The following PRPF18 variants were observed in gnomAD, a reference collection of about 807,000 sequenced individuals.
The protein encoded by PRPF18 is pre-mRNA-splicing factor 18.
In PRPF18, 38 loss-of-function variants were observed where a neutral mutation model predicts 46.5. That is an observed-to-expected ratio of 0.82 (90% CI 0.63 to 1.07). The LOEUF is 1.07. PRPF18 is among the 50% of genes least tolerant of loss of function. The probability of loss-of-function intolerance (pLI) is 0.00; values close to 1 mark genes in which losing one functional copy is unlikely to be tolerated. For missense variants in PRPF18, 263 were observed against 410.0 expected, an observed-to-expected ratio of 0.64 and a Z score of 3.10; for synonymous variants, 152 against 146.7, an observed-to-expected ratio of 1.04 and a Z score of -0.26.
At chr10:13,629,615 A>G (rs942796062) in intron 9 of PRPF18, among the ~76,000 whole-genome samples, 1 of 152,108 alleles carries the variant, frequency 6.6e-6, no homozygotes, top group African/African-American at 2.4e-5. Context: ...TACATTTTTT[A>G]CTTGTTTTTG....
At chr10:13,641,030 A>G in the PRPF18 span, 10 of 152,216 alleles carry the variant, frequency 6.6e-5, no homozygotes, top group Non-Finnish European at 8.8e-5. Flanking sequence ...ATCTACCAGC[A>G]TCTTGTCTTA....
At chr10:13,651,846 A>AAC in the PRPF18 span, 11,814 of 853,862 alleles carry the variant, frequency 0.014, 394 homozygotes, top group African/African-American at 0.091. Context: ...GGACAAAAGC[A>AAC]ACACATGTGG....
At chr10:13,638,156 A>G in the PRPF18 span, 2 of 152,198 alleles carry the variant, frequency 1.3e-5, no homozygotes, top group Non-Finnish European at 2.9e-5. Flanking sequence ...TTGCTTTACT[A>G]AGAGAAAGAG....
intron 4 of PRPF18, among the ~76,000 whole-genome samples, chr10:13,606,507 C>T (rs1180142899): frequency 6.6e-6 from 1 of 152,036 alleles, no homozygotes; most frequent in Non-Finnish European, 1.5e-5. Flanking sequence ...GAGGCTGAGG[C>T]AGGTGGATCA....
At chr10:13,649,946 C>T in the PRPF18 span, among the ~76,000 whole-genome samples, 1 of 152,340 alleles carries the variant, frequency 6.6e-6, no homozygotes, top group African/African-American at 2.4e-5. Context: ...GCTCTCTCAA[C>T]TGTGACCCAG....
chr10:13,650,676 T>C, the PRPF18 span, among the ~76,000 whole-genome samples: 7,274 of 152,238 alleles, frequency 0.048, 494 homozygotes, highest in African/African-American at 0.14. Context: ...GTCCCTGTCC[T>C]AATTGCCCAT....
At chr10:13,636,741 T>C in the PRPF18 span, among the ~76,000 whole-genome samples, 1 of 152,184 alleles carries the variant, frequency 6.6e-6, no homozygotes, top group Non-Finnish European at 1.5e-5. Context: ...TCTCTTCATG[T>C]CCTCTTCTAG....
downstream of PRPF18, among the ~76,000 whole-genome samples, chr10:13,634,412 A>C (rs1239384538): frequency 1.3e-5 from 2 of 151,808 alleles, no homozygotes; most frequent in Admixed American, 6.5e-5. Flanking sequence ...GTGATCTCAG[A>C]CTCTTTCACT....
chr10:13,636,712 G>A, the PRPF18 span, among the ~76,000 whole-genome samples: 1 of 152,150 alleles, frequency 6.6e-6, no homozygotes, highest in African/African-American at 2.4e-5. Context: ...AAAGGTAATT[G>A]TTATTAACTC....
chr10:13,639,149 A>C, the PRPF18 span: 1 of 151,600 alleles, frequency 6.6e-6, no homozygotes. Context: ...ATGTTGGTAC[A>C]TTGTGATTTC....
At chr10:13,590,527 A>C (rs2079944490) in intron 1 of PRPF18, among the ~76,000 whole-genome samples, 1 of 150,416 alleles carries the variant, frequency 6.6e-6, no homozygotes, top group South Asian at 2.1e-4. Context: ...AGGCTGAGGC[A>C]GGAGAATGGC....
rs559171766 is a variant in PRPF18 at position 13,622,523 on chromosome 10, T to C, written c.948+5970T>C. 2.0e-5 allele frequency among the ~76,000 whole-genome samples: 3 copies of C among 152,348 alleles called. No homozygotes were observed. The East Asian group carries it at 5.8e-4, about 29-fold the overall frequency. The stretch of plus-strand genomic sequence containing the variant: ...CTTCCCTCAAATTAGTCATTTGGGG[T>C]ACCTTTTTACTTAATTTTTGAGTTG... On this transcript the variant is annotated intron_variant, in intron 9 of 9. Coordinates refer to ENST00000378572, the MANE Select transcript of PRPF18 (RefSeq NM_003675.4).
chr10:13,625,223 T>G (rs1365714800), intron 9 of PRPF18, among the ~76,000 whole-genome samples: 1 of 151,882 alleles, frequency 6.6e-6, no homozygotes, highest in African/African-American at 2.4e-5. Context: ...GAGGCTGAGG[T>G]AGGAGGATTG....
chr10:13,603,023 C>T (rs571956547), intron 3 of PRPF18, among the ~76,000 whole-genome samples: 46 of 152,336 alleles, frequency 3.0e-4, no homozygotes, highest in African/African-American at 9.6e-4. Context: ...AGGGCCACTG[C>T]GCCTGGCCTA....
At chr10:13,633,979 G>A (rs953351113), downstream of PRPF18, among the ~76,000 whole-genome samples, 5 of 152,142 alleles carry the variant, frequency 3.3e-5, no homozygotes, top group Admixed American at 1.3e-4. Flanking sequence ...ATAACCACAC[G>A]CTAGTCCTTT....
intron 5 of PRPF18, among the ~76,000 whole-genome samples, chr10:13,611,047 C>T (rs755279509): frequency 6.6e-6 from 1 of 152,156 alleles, no homozygotes; most frequent in Admixed American, 6.5e-5. Context: ...CCTTTAATTC[C>T]TGGCTCTTGT....
chr10:13,655,532 G>A, the PRPF18 span: 6 of 132,150 alleles, frequency 4.5e-5, no homozygotes, highest in South Asian at 1.4e-3. Context: ...CTTGTCATTT[G>A]GCCAGTGGAC....
chr10:13,651,497 A>G, the PRPF18 span: 3 of 187,174 alleles, frequency 1.6e-5, no homozygotes, highest in African/African-American at 4.8e-5. Flanking sequence ...GTTTGAGACT[A>G]TCCTGGCCAA....
intron 9 of PRPF18, among the ~76,000 whole-genome samples, chr10:13,620,035 T>G (rs2080400512): frequency 6.6e-6 from 1 of 152,086 alleles, no homozygotes; most frequent in Non-Finnish European, 1.5e-5. Flanking sequence ...ACTGATTGAT[T>G]TACTAAGCTG....
Sources: gnomAD v4.1 joint callset for allele counts (sites outside exome capture counted in the v4.1 genomes callset) on GRCh38, gnomAD v4.1.1 for gene constraint, MANE v1.5 for transcripts, NCBI Gene and HGNC (gene_info 2026-07-23, HGNC 2026-07-21) for gene names.